TFEC: variants seen among roughly 807,000 people sequenced by gnomAD.
TFEC encodes transcription factor EC, also known as class E basic helix-loop-helix protein 34.
TFEC carries 31 observed loss-of-function variants against 41.6 expected under a neutral mutation model. The ratio of observed to expected loss-of-function variants is 0.74; its 90% CI spans 0.56 to 1.01. The LOEUF is 1.01. Among genes scored for constraint, TFEC ranks in the 50% least tolerant of loss-of-function variants. The probability of loss-of-function intolerance (pLI) is 0.00; values close to 1 mark genes in which losing one functional copy is unlikely to be tolerated. For synonymous variants in TFEC, 143 were observed against 140.6 expected (o/e 1.02, Z -0.12); for missense variants, 402 against 404.1 (o/e 0.99, Z 0.04).
intron 1 of TFEC, among the ~76,000 whole-genome samples, chr7:116,118,515 A>G (rs1317746380): frequency 6.6e-6 from 1 of 151,722 alleles, no homozygotes; most frequent in Non-Finnish European, 1.5e-5. Flanking sequence ...CTAATGGGGA[A>G]ATTAATTTTA....
rs180701943 is a variant in TFEC at position 116,052,431 on chromosome 7, T to G, written c.198+58277A>C. Among the ~76,000 whole-genome samples the G allele has an allele frequency of 1.8e-4, 27 of 152,074 alleles. 1 individual carries two copies. The Middle Eastern group carries it at 0.014, about 78-fold the overall frequency. On this transcript the variant is annotated intron_variant, in intron 3 of 8. Coordinates refer to the TFEC transcript ENST00000484212. ...AAAAATACATTTAAGTTGTTTGGTT[T>G]GTTTGTTTGTTTGTTTGAGATGGAG...
chr7:116,125,403 G>C (rs767628245), intron 1 of TFEC, among the ~76,000 whole-genome samples: 1 of 152,138 alleles, frequency 6.6e-6, no homozygotes, highest in South Asian at 2.1e-4. Context: ...CTTAGAACTA[G>C]AGTATGGAAG....
intron 1 of TFEC, among the ~76,000 whole-genome samples, chr7:116,004,583 G>C (rs778085315): frequency 6.6e-6 from 1 of 152,142 alleles, no homozygotes; most frequent in Non-Finnish European, 1.5e-5. Context: ...AGTACCTTCT[G>C]CTCAATTTTG....
At chr7:116,019,045 G>A (rs1009315422) in intron 1 of TFEC, among the ~76,000 whole-genome samples, 2 of 152,066 alleles carry the variant, frequency 1.3e-5, no homozygotes, top group African/African-American at 4.8e-5. Flanking sequence ...AGGGAGCAAT[G>A]GGCAGGCCAA....
chr7:116,117,761 A>G (rs960686429), intron 1 of TFEC, among the ~76,000 whole-genome samples: 1 of 151,920 alleles, frequency 6.6e-6, no homozygotes, highest in Admixed American at 6.6e-5. Context: ...CTAGTTCTCT[A>G]GATACCTATG....
intron 3 of TFEC, among the ~76,000 whole-genome samples, chr7:116,096,177 A>G (rs1014346406): frequency 6.6e-6 from 1 of 152,136 alleles, no homozygotes; most frequent in Non-Finnish European, 1.5e-5. Flanking sequence ...CTCAGCCAAC[A>G]TCAACACTCC....
At chr7:116,098,203 AGGCT>A (rs1489748915) in intron 3 of TFEC, among the ~76,000 whole-genome samples, 1 of 152,214 alleles carries the variant, frequency 6.6e-6, no homozygotes, top group Non-Finnish European at 1.5e-5. Context: ...TCTGCTGCAT[AGGCT>A]GGAGTGCAGT....
chr7:115,969,888 AAGAG>A (rs1394292914), intron 3 of TFEC, among the ~76,000 whole-genome samples: 1 of 151,970 alleles, frequency 6.6e-6, no homozygotes, highest in Non-Finnish European at 1.5e-5. Flanking sequence ...GTATGGGAGT[AAGAG>A]AGAGAAAAGC....
At chr7:116,076,613 T>C (rs1437596590) in intron 3 of TFEC, among the ~76,000 whole-genome samples, 2 of 152,014 alleles carry the variant, frequency 1.3e-5, no homozygotes, top group East Asian at 1.9e-4. Flanking sequence ...CGGACACACT[T>C]AGAGAAATGC....
chr7:115,974,055 T>G, intron 3 of TFEC, 115 bp downstream of exon 3: 1 of 769,314 alleles, frequency 1.3e-6, no homozygotes, highest in Non-Finnish European at 2.0e-6. Context: ...ATTCATCTTT[T>G]ATCTTGTCTG....
chr7:116,146,726 A>T (rs1019175675), intron 1 of TFEC, among the ~76,000 whole-genome samples: 2 of 152,194 alleles, frequency 1.3e-5, no homozygotes, highest in Non-Finnish European at 2.9e-5. Context: ...CAAGGAACAA[A>T]CAATCATGAG....
At chr7:116,002,816 T>C (rs1228261517) in intron 1 of TFEC, among the ~76,000 whole-genome samples, 1 of 152,096 alleles carries the variant, frequency 6.6e-6, no homozygotes, top group Non-Finnish European at 1.5e-5. Flanking sequence ...CTCACAAACA[T>C]TAAAACTTTA....
chr7:115,950,564 T>A (rs1386709287), intron 6 of TFEC, among the ~76,000 whole-genome samples: 2 of 152,118 alleles, frequency 1.3e-5, no homozygotes, highest in Non-Finnish European at 2.9e-5. Flanking sequence ...CCAGTCAGCA[T>A]CATAAGTAGT....
Position 115,940,431 on chromosome 7 carries a change from T to G in TFEC, c.*120A>C, listed in dbSNP as rs1438611901. 7.2e-6 allele frequency: 8 copies of G among 1,107,394 alleles called. No homozygotes were observed. The highest frequency in any genetic ancestry group is 9.9e-6 in the Non-Finnish European group (8 of 810,798). 68.6% of individuals were successfully genotyped at this position (1,107,394 alleles called of 1,614,324 possible). On this transcript the variant is annotated 3_prime_UTR_variant, in exon 8 of 8. Coordinates refer to ENST00000265440, the MANE Select transcript of TFEC (RefSeq NM_012252.4). Reference sequence around the variant, plus strand: ...TTCTGTTGCTTCTATCAGTTTTTCATGAACAACACATTCCTTTAAGAAAAA... The same window carrying G: ...TTCTGTTGCTTCTATCAGTTTTTCAGGAACAACACATTCCTTTAAGAAAAA...
intron 1 of TFEC, among the ~76,000 whole-genome samples, chr7:116,118,370 CA>C (rs1056913930): frequency 6.6e-6 from 1 of 151,820 alleles, no homozygotes; most frequent in Non-Finnish European, 1.5e-5. Flanking sequence ...AATGTTTTCT[CA>C]AAGTTTTTAT....
At chr7:116,056,140 C>T (rs1796424356) in intron 3 of TFEC, among the ~76,000 whole-genome samples, 1 of 151,972 alleles carries the variant, frequency 6.6e-6, no homozygotes, top group South Asian at 2.1e-4. Context: ...TTTCAAGAGA[C>T]TAGACATCAT....
rs184701818 is a variant in TFEC, at chr7:116,120,557, G to A, written c.-68-8519C>T. Reference sequence around the variant, plus strand: ...AAATTTGAGAAGCACTGTCCTTACAGTCTGTGATAGAGACTGCATGCCAGC... The same window carrying A: ...AAATTTGAGAAGCACTGTCCTTACAATCTGTGATAGAGACTGCATGCCAGC... On this transcript the variant is annotated intron_variant, in intron 1 of 8. Transcript: ENST00000484212. 4 of 152,068 alleles carry A rather than the reference G, an allele frequency of 2.6e-5. No individual in the cohort carries two copies. The East Asian group carries it at 7.7e-4, about 29-fold the overall frequency. 9.4% of individuals were successfully genotyped at this position (152,068 alleles called of 1,614,324 possible). A position where few individuals can be genotyped will look rare whatever the true frequency, so the allele number is the denominator to read the frequency against.
intron 1 of TFEC, among the ~76,000 whole-genome samples, chr7:116,158,427 A>G (rs1436625119): frequency 6.6e-6 from 1 of 152,170 alleles, no homozygotes; most frequent in Non-Finnish European, 1.5e-5. Context: ...AAACATCTGA[A>G]GCATGAATTC....
At chr7:116,000,364 A>G (rs1287470375) in intron 1 of TFEC, among the ~76,000 whole-genome samples, 1 of 152,168 alleles carries the variant, frequency 6.6e-6, no homozygotes, top group Non-Finnish European at 1.5e-5. Flanking sequence ...CTGAGCAGGA[A>G]AAAAACTGAA....
Sources: allele counts gnomAD v4.1 joint callset (sites outside exome capture counted in the v4.1 genomes callset), GRCh38; gene constraint gnomAD v4.1.1; transcripts MANE v1.5; gene names NCBI Gene and HGNC (gene_info 2026-07-23, HGNC 2026-07-21).